The following PIP5K1C variants were observed in gnomAD, a reference collection of about 807,000 sequenced individuals.
PIP5K1C encodes phosphatidylinositol-4-phosphate 5-kinase type 1 gamma, also known as phosphatidylinositol 4-phosphate 5-kinase type-1 gamma.
PIP5K1C carries 45 observed loss-of-function variants against 80.1 expected under a neutral mutation model. The observed-to-expected ratio is 0.56, with a 90% CI of 0.44 to 0.72. The LOEUF (loss-of-function observed/expected upper bound fraction) is 0.72, where lower values mean the gene tolerates loss of function less well. PIP5K1C is among the 30% of genes least tolerant of loss of function. The pLI is 0.00. For synonymous variants in PIP5K1C, 498 were observed against 420.1 expected (o/e 1.19, Z -2.27); for missense variants, 753 against 954.6 (o/e 0.79, Z 2.78).
Position 3,692,307 on chromosome 19 carries a change from G to A in PIP5K1C, c.94+7990C>T, listed in dbSNP as rs2035973628. Among the ~76,000 whole-genome samples, 1 of 152,036 alleles carries A rather than the reference G, an allele frequency of 6.6e-6. No individual in the cohort carries two copies. Among genetic ancestry groups the A allele is most frequent in the Admixed American group, 6.5e-5 (1 of 15,270 alleles). On this transcript the variant is annotated intron_variant, in intron 1 of 17. Coordinates refer to ENST00000335312, the MANE Select transcript of PIP5K1C (RefSeq NM_012398.3). The surrounding 1 kb of genome is among the most constrained non-coding windows in gnomAD (Gnocchi z 5.2). The stretch of plus-strand genomic sequence containing the variant: ...ACCAGGGTCCCGACGGCCCCACCCA[G>A]TCCCACTGCCGGCTCCCACCACGGC...
At chr19:3,642,865 G>A in intron 14 of PIP5K1C, 42 bp downstream of exon 14, 5 of 1,560,324 alleles carry the variant, frequency 3.2e-6, no homozygotes, top group Non-Finnish European at 4.4e-6. Context: ...CTGTGCAGGA[G>A]GAGCTGGTGA....
chr19:3,637,491 G>A lies in PIP5K1C; in HGVS notation c.1920+1393C>T, dbSNP rs1033350285. 9.8e-6 allele frequency: 15 copies of A among 1,535,572 alleles called. No homozygotes were observed. The highest frequency in any genetic ancestry group is 9.6e-6 in the Non-Finnish European group (11 of 1,146,794). On this transcript the variant is annotated intron_variant, in intron 16 of 17. Coordinates refer to ENST00000335312, the MANE Select transcript of PIP5K1C (RefSeq NM_012398.3). The surrounding 1 kb of genome is among the most constrained non-coding windows in gnomAD (Gnocchi z 7.0). ...GACCTGCGGCTCCCTGCTGCCCGAG[G>A]GGCACTGCCCCTTCTCCCCAGGGTG... is the stretch of plus-strand genomic sequence containing the variant.
At chr19:3,654,875 G>A (rs1351477786) in intron 6 of PIP5K1C, among the ~76,000 whole-genome samples, 2 of 151,460 alleles carry the variant, frequency 1.3e-5, no homozygotes, top group Non-Finnish European at 2.9e-5. Context: ...TAGCACTTTG[G>A]GAGGCCAAGG....
intron 1 of PIP5K1C, among the ~76,000 whole-genome samples, chr19:3,690,637 C>T (rs2145608319): frequency 6.6e-6 from 1 of 152,236 alleles, no homozygotes; most frequent in Non-Finnish European, 1.5e-5. Context: ...AGTTTGACCA[C>T]ATAAACCCCA....
intron 1 of PIP5K1C, 67 bp from the exon 2 acceptor site, chr19:3,667,420 C>T (rs1169630970): frequency 1.0e-5 from 16 of 1,586,614 alleles, no homozygotes; most frequent in Admixed American, 1.7e-5. Flanking sequence ...GGGCCCAGCC[C>T]CCGGCCCACC....
At position 3,696,386 on chromosome 19, in the gene PIP5K1C, T is replaced by C. The variant is rs1333406662; in HGVS notation, c.94+3911A>G. 6.6e-6 allele frequency among the ~76,000 whole-genome samples: 1 copy of C among 152,138 alleles called. No individual in the cohort carries two copies. Among genetic ancestry groups the C allele is most frequent in the African/African-American group, 2.4e-5 (1 of 41,426 alleles). On this transcript the variant is annotated intron_variant, in intron 1 of 17. Transcript: ENST00000335312. The surrounding 1 kb of genome is among the most constrained non-coding windows in gnomAD (Gnocchi z 4.1). ...CGTGGAGCTCTCGCTCAGGAGGAGA[T>C]GGTCAGAAAACACGTCAGCAGAGCC...
chr19:3,662,149 T>A, intron 3 of PIP5K1C, 148 bp from the exon 4 acceptor site: 1 of 976,864 alleles, frequency 1.0e-6, no homozygotes, highest in Non-Finnish European at 1.5e-6. Context: ...CGGGGCTGCC[T>A]GTCCTGCGGC....
intron 1 of PIP5K1C, among the ~76,000 whole-genome samples, chr19:3,681,102 A>C (rs2035576389): frequency 6.6e-6 from 1 of 152,022 alleles, no homozygotes; most frequent in Non-Finnish European, 1.5e-5. Flanking sequence ...CACACACAAG[A>C]ACCCGGAGTC....
At chr19:3,669,419 G>T (rs1295401314) in intron 1 of PIP5K1C, among the ~76,000 whole-genome samples, 1 of 152,348 alleles carries the variant, frequency 6.6e-6, no homozygotes, top group Middle Eastern at 3.4e-3. Flanking sequence ...GCAGACAGGT[G>T]AGGAGGTGGG....
chr19:3,659,763 G>A (rs925744310), intron 5 of PIP5K1C, among the ~76,000 whole-genome samples: 1 of 152,184 alleles, frequency 6.6e-6, no homozygotes, highest in African/African-American at 2.4e-5. Flanking sequence ...TGGAGCACAT[G>A]CTAGTTCTCC....
rs2033721319 is a variant in PIP5K1C at position 3,637,165 on chromosome 19, G to C, written c.1920+1719C>G. ...AGCGGGGCCACGGGCAGCCAGGTCT[G>C]CACGAGTGAGAAGCGTCCACCCAAG... On this transcript the variant is annotated intron_variant, in intron 16 of 17. Coordinates refer to ENST00000335312, the MANE Select transcript of PIP5K1C (RefSeq NM_012398.3). This position sits in a 1 kb window ranked among gnomAD's most constrained non-coding sequence, Gnocchi z 7.0. 7.1e-7 allele frequency: 1 copy of C among 1,416,956 alleles called. No homozygotes were observed. The highest frequency in any genetic ancestry group is 1.4e-5 in the African/African-American group (1 of 69,246). 87.8% of individuals were successfully genotyped at this position (1,416,956 alleles called of 1,614,324 possible). A position where few individuals can be genotyped will look rare whatever the true frequency, so the allele number is the denominator to read the frequency against.
At chr19:3,657,608 G>A (rs1279582990) in intron 5 of PIP5K1C, among the ~76,000 whole-genome samples, 1 of 152,090 alleles carries the variant, frequency 6.6e-6, no homozygotes, top group South Asian at 2.1e-4. Context: ...GTGTCCACGA[G>A]AGTCAGGAGT....
intron 5 of PIP5K1C, among the ~76,000 whole-genome samples, chr19:3,660,112 A>G (rs1336038996): frequency 6.6e-6 from 1 of 152,098 alleles, no homozygotes; most frequent in East Asian, 1.9e-4. Flanking sequence ...CTGAGGCGGT[A>G]GCTCACGCCT....
At position 3,651,861 on chromosome 19, in the gene PIP5K1C, G is replaced by A. The variant is rs748208501; in HGVS notation, c.1092C>T (p.Gly364=). ...ATTCGATGGCCTCCCCGCGCGCGGC[G>A]CCACCCTGGATGGACTCCATGGCCG... ...YSTAMESIQG[G]AARGEAIESD... Residue 364 remains glycine, a synonymous_variant, in exon 8 of 18, where the codon GGC becomes GGT. Transcript: ENST00000335312. The A allele has an allele frequency of 3.0e-5, 49 of 1,612,354 alleles. No homozygotes were observed. The highest frequency in any genetic ancestry group is 8.0e-5 in the African/African-American group (6 of 74,932).
At chr19:3,666,533 G>A (rs182699803) in intron 2 of PIP5K1C, among the ~76,000 whole-genome samples, 6 of 152,044 alleles carry the variant, frequency 3.9e-5, no homozygotes, top group African/African-American at 7.3e-5. Context: ...GTGTACATAC[G>A]CACGCAGGCA....
chr19:3,640,616 T>C (rs1235811531), intron 15 of PIP5K1C, among the ~76,000 whole-genome samples: 1 of 152,188 alleles, frequency 6.6e-6, no homozygotes. Flanking sequence ...TTTTAAGCCT[T>C]TTTCTTCAAT....
chr19:3,638,596 C>T (rs1368663655), intron 16 of PIP5K1C, among the ~76,000 whole-genome samples: 2 of 152,176 alleles, frequency 1.3e-5, no homozygotes. Flanking sequence ...GGCACAAGGC[C>T]GGGGAAGGGG....
At chr19:3,656,587 C>A (rs781076603) in intron 5 of PIP5K1C, 30 bp from the exon 6 acceptor site, 11 of 1,612,090 alleles carry the variant, frequency 6.8e-6, no homozygotes, top group African/African-American at 4.0e-5. Context: ...GTCAGCGGGC[C>A]CCAAGCTGCC....
chr19:3,680,582 G>A (rs201222428), intron 1 of PIP5K1C, among the ~76,000 whole-genome samples: 1 of 152,354 alleles, frequency 6.6e-6, no homozygotes, highest in Non-Finnish European at 1.5e-5. Context: ...GATGACAGGC[G>A]TGAGCCACCG....
Sources: allele counts gnomAD v4.1 joint callset (sites outside exome capture counted in the v4.1 genomes callset), GRCh38; gene constraint gnomAD v4.1.1; non-coding constraint Gnocchi (gnomAD v3.1); transcripts MANE v1.5; gene names NCBI Gene and HGNC (gene_info 2026-07-23, HGNC 2026-07-21).